Variants in CNOT2 observed in about 807,000 individuals in gnomAD.
CNOT2 encodes CCR4-NOT transcription complex subunit 2.
Under a neutral mutation model 72.1 loss-of-function variants are expected in CNOT2, and 7 were observed. The ratio of observed to expected loss-of-function variants is 0.10; its 90% CI spans 0.06 to 0.18. The LOEUF (loss-of-function observed/expected upper bound fraction) is 0.18. Among genes scored for constraint, CNOT2 ranks in the 10% least tolerant of loss-of-function variants. The probability of loss-of-function intolerance (pLI) is 1.00; values close to 1 mark genes in which losing one functional copy is unlikely to be tolerated. For missense variants in CNOT2, 345 were observed against 660.3 expected, an observed-to-expected ratio of 0.52 and a Z score of 5.23; for synonymous variants, 196 against 225.6, an observed-to-expected ratio of 0.87 and a Z score of 1.17.
intron 2 of CNOT2, among the ~76,000 whole-genome samples, chr12:70,309,174 A>G (rs1159668627): frequency 6.6e-6 from 1 of 152,152 alleles, no homozygotes; most frequent in Non-Finnish European, 1.5e-5. Context: ...GTCTGAAATA[A>G]CAGAGTTACA....
chr12:70,319,316 A>G lies in CNOT2; in HGVS notation c.190A>G (p.Thr64Ala), dbSNP rs1444011163. 2.5e-6 allele frequency: 4 copies of G among 1,610,314 alleles called. No homozygotes were observed. Among genetic ancestry groups the G allele is most frequent in the Non-Finnish European group, 2.5e-6 (3 of 1,177,434 alleles). Residue 64 changes from threonine (T) to alanine (A), a missense_variant, in exon 4 of 16, where the codon ACA becomes GCA. This residue lies in a region of CNOT2 where 157 missense variants were observed against 235.3 expected (regional missense o/e 0.67). Coordinates refer to ENST00000229195, the MANE Select transcript of CNOT2 (RefSeq NM_014515.7). The part of the protein sequence containing the change: ...SEKDMLASPS[T>A]SGQLSQFGAS... Reference sequence around the variant, plus strand: ...TTTCTAGATGCTGGCATCACCATCTACATCAGGTCAGCTGTCTCAGTTTGG... The same window carrying G: ...TTTCTAGATGCTGGCATCACCATCTGCATCAGGTCAGCTGTCTCAGTTTGG...
intron 3 of CNOT2, among the ~76,000 whole-genome samples, chr12:70,315,078 G>A (rs868550628): frequency 5.1e-4 from 77 of 152,138 alleles, no homozygotes; most frequent in African/African-American, 1.5e-3. Context: ...TGGTCAGGCC[G>A]GTCACGAACT....
intron 2 of CNOT2, among the ~76,000 whole-genome samples, chr12:70,308,850 G>A (rs563603333): frequency 6.6e-6 from 1 of 152,014 alleles, no homozygotes; most frequent in African/African-American, 2.4e-5. Context: ...TTATTTATGT[G>A]TATAAAATTT....
At chr12:70,339,014 A>ATG (rs143055295) in intron 11 of CNOT2, among the ~76,000 whole-genome samples, 192 bp downstream of exon 11, 8,639 of 130,874 alleles carry the variant, frequency 0.066, 287 homozygotes, top group South Asian at 0.085. Context: ...TTGGCATTTT[A>ATG]TGTGTGTGTG....
intron 2 of CNOT2, among the ~76,000 whole-genome samples, chr12:70,302,051 G>A (rs1175977446): frequency 1.3e-5 from 2 of 152,060 alleles, no homozygotes; most frequent in African/African-American, 4.8e-5. Context: ...TATTTCTGTG[G>A]GATCAGTGGT....
intron 1 of CNOT2, among the ~76,000 whole-genome samples, chr12:70,254,237 CA>C (rs10711236): frequency 0.91 from 107,126 of 117,928 alleles, 48,377 homozygotes; most frequent in East Asian, 0.95. Context: ...GACTCTGTCT[CA>C]AAAAAAAAAA....
intron 2 of CNOT2, among the ~76,000 whole-genome samples, chr12:70,309,974 GTGTCTGTACTGAACA>G (rs1876168292): frequency 6.6e-6 from 1 of 152,020 alleles, no homozygotes. Flanking sequence ...ATGGATGGTT[GTGTCTGTACTGAACA>G]TGTACAGACT....
intron 1 of CNOT2, among the ~76,000 whole-genome samples, chr12:70,256,007 A>G (rs1958420972): frequency 6.6e-6 from 1 of 152,182 alleles, no homozygotes; most frequent in South Asian, 2.1e-4. Context: ...TATGTTTGCT[A>G]TTCTTAGAAG....
chr12:70,247,167 CTT>C (rs974815836), intron 1 of CNOT2, among the ~76,000 whole-genome samples: 1 of 145,790 alleles, frequency 6.9e-6, no homozygotes, highest in Admixed American at 6.9e-5. Context: ...TTTCCTTATT[CTT>C]TTTTTTTTTT....
At chr12:70,271,563 G>T (rs914204835) in intron 1 of CNOT2, among the ~76,000 whole-genome samples, 2 of 151,828 alleles carry the variant, frequency 1.3e-5, no homozygotes, top group Non-Finnish European at 2.9e-5. Flanking sequence ...TAGTAGAGAT[G>T]GGGTGTGCCA....
intron 1 of CNOT2, among the ~76,000 whole-genome samples, chr12:70,263,457 TC>T (rs1355621715): frequency 1.3e-5 from 2 of 152,188 alleles, no homozygotes; most frequent in Admixed American, 6.5e-5. Flanking sequence ...CTCCTTGTTC[TC>T]CTGGTTCAGA....
intron 3 of CNOT2, among the ~76,000 whole-genome samples, chr12:70,317,420 A>G (rs998504454): frequency 6.6e-6 from 1 of 151,944 alleles, no homozygotes; most frequent in African/African-American, 2.4e-5. Context: ...TAATATACCT[A>G]CAAAATATTT....
At position 70,330,291 on chromosome 12, in the gene CNOT2, A is replaced by G. The variant is rs541769531; in HGVS notation, c.391A>G (p.Ile131Val). Residue 131 changes from isoleucine to valine, a missense_variant, in exon 6 of 16, where the codon ATT becomes GTT. Physicochemically the swap from Ile to Val is conservative, Grantham distance 29. Transcript: ENST00000229195. The stretch of plus-strand genomic sequence containing the variant: ...TATAATGGACTTCTTTTTCAGGGGT[A>G]TTTTGCCTATGAATCCTAGGAATAT... Reference protein sequence around the residue: ...LHTPPSPSRGILPMNPRNMMN... With the variant: ...LHTPPSPSRGVLPMNPRNMMN... 206 of 1,567,174 alleles carry G rather than the reference A, an allele frequency of 1.3e-4. 2 individuals carry two copies. The South Asian group carries it at 1.9e-3, about 14-fold the overall frequency.
Position 70,271,884 on chromosome 12 carries a change from C to T in CNOT2, c.-95-6248C>T, listed in dbSNP as rs192467587. ...AACTTTAAACAAAATTGAAACTGGA[C>T]ATCTTAAAAGATGCATTATAGATGT... On this transcript the variant is annotated intron_variant, in intron 1 of 15. Transcript: ENST00000229195. Among the ~76,000 whole-genome samples, 7 of 152,254 alleles carry T rather than the reference C, an allele frequency of 4.6e-5. No homozygotes were observed. In the East Asian group the frequency reaches 9.6e-4, roughly 21 times the overall value.
intron 1 of CNOT2, among the ~76,000 whole-genome samples, chr12:70,260,622 A>G (rs1207983473): frequency 2.0e-5 from 3 of 151,750 alleles, no homozygotes; most frequent in African/African-American, 7.3e-5. Flanking sequence ...TAGTTGTTGT[A>G]TTCATTATTG....
intron 2 of CNOT2, among the ~76,000 whole-genome samples, chr12:70,302,580 A>G (rs1874251542): frequency 6.6e-6 from 1 of 152,088 alleles, no homozygotes; most frequent in East Asian, 1.9e-4. Flanking sequence ...GGTCTGAGAG[A>G]CAGTTTGTTA....
At chr12:70,351,911 G>A (rs996515332) in intron 15 of CNOT2, among the ~76,000 whole-genome samples, 1 of 152,148 alleles carries the variant, frequency 6.6e-6, no homozygotes, top group Non-Finnish European at 1.5e-5. Context: ...TCTGGTGTTT[G>A]CTAATTTTTA....
chr12:70,300,019 T>C (rs1943853824), intron 2 of CNOT2, among the ~76,000 whole-genome samples: 1 of 152,230 alleles, frequency 6.6e-6, no homozygotes, highest in Non-Finnish European at 1.5e-5. Flanking sequence ...TGCATAAATG[T>C]CTTCTTTTGA....
intron 1 of CNOT2, among the ~76,000 whole-genome samples, chr12:70,254,996 A>AAAG (rs1437703421): frequency 5.3e-5 from 8 of 149,550 alleles, no homozygotes; most frequent in African/African-American, 1.7e-4. Context: ...AAAAAAAAAA[A>AAAG]AAGAAGAAGA....
Sources: gnomAD v4.1 joint callset for allele counts (sites outside exome capture counted in the v4.1 genomes callset) on GRCh38, gnomAD v4.1.1 for gene constraint, gnomAD v4.1.1 regional missense constraint, MANE v1.5 for transcripts, NCBI Gene and HGNC (gene_info 2026-07-23, HGNC 2026-07-21) for gene names.